The following ZNF227 variants were observed in gnomAD, a reference collection of about 807,000 sequenced individuals.
The protein encoded by ZNF227 is zinc finger protein 227.
In ZNF227, 12 loss-of-function variants were observed where a neutral mutation model predicts 13.2. That is an observed-to-expected ratio of 0.91 (90% confidence interval 0.58 to 1.47). The LOEUF (loss-of-function observed/expected upper bound fraction) is 1.47. ZNF227 is among the 40% of genes most tolerant of loss of function. The probability of loss-of-function intolerance (pLI) is 0.00; values close to 1 mark genes in which losing one functional copy is unlikely to be tolerated. For synonymous variants in ZNF227, 338 were observed against 326.0 expected, an observed-to-expected ratio of 1.04 and a Z score of -0.40; for missense variants, 885 against 967.5, an observed-to-expected ratio of 0.91 and a Z score of 1.13.
chr19:44,231,385 G>GA, intron 5 of ZNF227, among the ~76,000 whole-genome samples: 2 of 151,494 alleles, frequency 1.3e-5, no homozygotes, highest in East Asian at 3.9e-4. Context: ...ACCCAGGCTG[G>GA]AGTGCAGTGG....
intron 3 of ZNF227, among the ~76,000 whole-genome samples, chr19:44,221,475 C>T (rs1314518100): frequency 6.6e-6 from 1 of 152,170 alleles, no homozygotes; most frequent in Non-Finnish European, 1.5e-5. Flanking sequence ...GAGATGGTAT[C>T]TCATTGTGGT....
chr19:44,222,180 T>C (rs1335581063), intron 3 of ZNF227, among the ~76,000 whole-genome samples: 2 of 151,904 alleles, frequency 1.3e-5, no homozygotes, highest in African/African-American at 2.4e-5. Context: ...GTAGTATAGT[T>C]TGAAGTCAGG....
At chr19:44,228,322 A>C in intron 3 of ZNF227, 124 bp from the exon 4 acceptor site, 1 of 1,122,936 alleles carries the variant, frequency 8.9e-7, no homozygotes, top group Non-Finnish European at 1.3e-6. Context: ...AACAGCTGAA[A>C]ATTGACTGAG....
intron 3 of ZNF227, among the ~76,000 whole-genome samples, chr19:44,220,700 C>T (rs1972400632): frequency 6.6e-6 from 1 of 152,006 alleles, no homozygotes; most frequent in South Asian, 2.1e-4. Flanking sequence ...GGTACATGTG[C>T]ACAATGTGCA....
intron 5 of ZNF227, among the ~76,000 whole-genome samples, chr19:44,234,415 C>T (rs1433434570): frequency 2.6e-5 from 4 of 152,140 alleles, no homozygotes; most frequent in Admixed American, 2.6e-4. Context: ...TTTTGTTGCC[C>T]TGCAGCTACC....
At chr19:44,209,431 A>G (rs74724211), upstream of ZNF227, among the ~76,000 whole-genome samples, 502 of 152,328 alleles carry the variant, frequency 3.3e-3, 23 homozygotes, top group East Asian at 0.089. Context: ...AAATAACTTC[A>G]GGGTTTTCTT....
In ZNF227 at chr19:44,217,480, A is replaced by G. The variant is rs369172253; in HGVS notation, c.-2-311A>G. 26 of 565,986 alleles carry G rather than the reference A, an allele frequency of 4.6e-5. No individual in the cohort carries two copies. The East Asian group carries it at 9.5e-4, about 21-fold the overall frequency. 35.1% of individuals were successfully genotyped at this position (565,986 alleles called of 1,614,324 possible). On this transcript the variant is annotated intron_variant, in intron 2 of 5. Coordinates refer to ENST00000313040, the MANE Select transcript of ZNF227 (RefSeq NM_182490.3). ...CCCCAAGGTTACACAGCTGGTAAGT[A>G]TCATTTCTAGGAATTAAACCCAGAT...
At chr19:44,219,865 G>A (rs1184278632) in intron 3 of ZNF227, among the ~76,000 whole-genome samples, 1 of 151,418 alleles carries the variant, frequency 6.6e-6, no homozygotes, top group African/African-American at 2.4e-5. Context: ...GTGCCATGTT[G>A]GTGTGCTGCA....
chr19:44,211,124 T>C (rs1971344112), upstream of ZNF227, among the ~76,000 whole-genome samples: 1 of 151,614 alleles, frequency 6.6e-6, no homozygotes, highest in Admixed American at 6.6e-5. Context: ...GCTTGAACCT[T>C]GTGTGAGGGC....
At chr19:44,222,831 T>G (rs2064774244) in intron 3 of ZNF227, among the ~76,000 whole-genome samples, 1 of 151,438 alleles carries the variant, frequency 6.6e-6, no homozygotes, top group Admixed American at 6.6e-5. Context: ...AGGGCACCCC[T>G]GTCTTGTGCC....
At position 44,236,250 on chromosome 19, in the gene ZNF227, A is replaced by G. The variant is rs745930504; in HGVS notation, c.1820A>G (p.Glu607Gly). 1.2e-6 allele frequency: 2 copies of G among 1,614,158 alleles called. No homozygotes were observed. Among genetic ancestry groups the G allele is most frequent in the South Asian group, 2.2e-5 (2 of 91,084 alleles). Residue 607 changes from glutamate (E) to glycine (G), a missense_variant, in exon 6 of 6, where the codon GAG becomes GGG. Glu to Gly is a moderately conservative substitution (Grantham distance 98). Transcript: ENST00000313040. ...VHSGEKPYKC[E>G]QCDKSFSQAI... is the part of the protein sequence containing the mutation. Reference sequence around the variant, plus strand: ...TCAGGAGAAAAACCCTATAAATGTGAGCAGTGTGATAAGAGCTTCAGTCAG... The same window carrying G: ...TCAGGAGAAAAACCCTATAAATGTGGGCAGTGTGATAAGAGCTTCAGTCAG...
Position 44,236,594 on chromosome 19 carries a change from G to A in ZNF227, c.2164G>A (p.Gly722Ser), listed in dbSNP as rs1219868611. The change falls in exon 6 of 6, where the codon GGT (glycine) becomes AGT (serine). Residue 722 changes from glycine (G) to serine (S), a missense_variant. Coordinates refer to ENST00000313040, the MANE Select transcript of ZNF227 (RefSeq NM_182490.3). ...GEKPHICEEC[G>S]KAFSLPSNLR... ...GAAACCCCATATATGTGAGGAGTGT[G>A]GTAAGGCCTTCAGTCTCCCCTCAAA... 6.2e-7 allele frequency: 1 copy of A among 1,614,056 alleles called. No homozygotes were observed. The highest frequency in any genetic ancestry group is 8.5e-7 in the Non-Finnish European group (1 of 1,180,008).
chr19:44,234,183 C>G (rs192377161), intron 5 of ZNF227, among the ~76,000 whole-genome samples: 2 of 152,178 alleles, frequency 1.3e-5, no homozygotes, highest in Non-Finnish European at 2.9e-5. Context: ...GTCCAGAGAC[C>G]TGGATTTCTA....
upstream of ZNF227, among the ~76,000 whole-genome samples, chr19:44,212,028 T>C (rs1200983573): frequency 6.6e-6 from 1 of 151,574 alleles, no homozygotes; most frequent in East Asian, 1.9e-4. Flanking sequence ...TAGCTGGGAC[T>C]ACAGGCGCGC....
Position 44,236,374 on chromosome 19 carries a change from A to G in ZNF227, c.1944A>G (p.Gln648=), listed in dbSNP as rs747293656. The part of the protein sequence containing the change: ...GKGFSQSSGL[Q]SHQRVHTGEK... ...GCTTCAGTCAGTCCTCTGGTCTTCA[A>G]TCCCATCAGAGAGTCCACACGGGGG... The change falls in exon 6 of 6, where the codon CAA becomes CAG. Residue 648 remains glutamine, a synonymous_variant. Coordinates refer to ENST00000313040, the MANE Select transcript of ZNF227 (RefSeq NM_182490.3). The G allele has an allele frequency of 5.1e-5, 82 of 1,614,024 alleles. No individual in the cohort carries two copies. In the East Asian group the frequency reaches 1.1e-3, roughly 21 times the overall value.
chr19:44,232,596 T>C (rs940662331), intron 5 of ZNF227, among the ~76,000 whole-genome samples: 1 of 152,190 alleles, frequency 6.6e-6, no homozygotes, highest in Non-Finnish European at 1.5e-5. Flanking sequence ...GTGATTACTT[T>C]AGGCTCATTG....
chr19:44,234,741 T>G lies in ZNF227; in HGVS notation c.311T>G (p.Phe104Cys), dbSNP rs761904492. ...HQNKMETLQKFALKYLSNQEL... is the reference protein window; with the variant it reads ...HQNKMETLQKCALKYLSNQEL... Reference sequence around the variant, plus strand: ...AATAAGATGGAAACACTCCAAAAATTTGCATTAAAATACCTTTCAAATCAA... The same window carrying G: ...AATAAGATGGAAACACTCCAAAAATGTGCATTAAAATACCTTTCAAATCAA... Residue 104 changes from phenylalanine to cysteine, a missense_variant, in exon 6 of 6, where the codon TTT becomes TGT. By Grantham distance (205) the Phe-to-Cys change is radical. Coordinates refer to ENST00000313040, the MANE Select transcript of ZNF227 (RefSeq NM_182490.3). The G allele has an allele frequency of 1.3e-6, 2 of 1,598,574 alleles. No individual in the cohort carries two copies. Among genetic ancestry groups the G allele is most frequent in the East Asian group, 2.2e-5 (1 of 44,832 alleles).
intron 3 of ZNF227, among the ~76,000 whole-genome samples, chr19:44,221,447 T>G (rs1214019669): frequency 6.6e-6 from 1 of 152,210 alleles, no homozygotes; most frequent in East Asian, 1.9e-4. Context: ...TTTTAATGGT[T>G]GCCATTCTAA....
At chr19:44,232,602 C>T (rs1215338505) in intron 5 of ZNF227, among the ~76,000 whole-genome samples, 4 of 151,974 alleles carry the variant, frequency 2.6e-5, no homozygotes, top group Admixed American at 2.0e-4. Flanking sequence ...ACTTTAGGCT[C>T]ATTGGATAAT....
Sources: gnomAD v4.1 joint callset for allele counts (sites outside exome capture counted in the v4.1 genomes callset) on GRCh38, gnomAD v4.1.1 for gene constraint, MANE v1.5 for transcripts, NCBI Gene and HGNC (gene_info 2026-07-23, HGNC 2026-07-21) for gene names.